The following NFIB variants were observed in gnomAD, a reference collection of about 807,000 sequenced individuals.
NFIB encodes nuclear factor 1 B-type.
NFIB carries 11 observed loss-of-function variants against 61.5 expected under a neutral mutation model. The observed-to-expected ratio is 0.18, with a 90% confidence interval of 0.11 to 0.30. The LOEUF is 0.30. NFIB is among the 10% of genes least tolerant of loss of function. The pLI, the probability that NFIB is intolerant of heterozygous loss-of-function variation, is 1.00. For synonymous variants in NFIB, 260 were observed against 216.5 expected (o/e 1.20, Z -1.76); for missense variants, 471 against 608.9 (o/e 0.77, Z 2.38).
intron 1 of NFIB, among the ~76,000 whole-genome samples, chr9:14,387,245 C>A (rs2061560001): frequency 6.6e-6 from 1 of 152,160 alleles, no homozygotes; most frequent in African/African-American, 2.4e-5. Context: ...CCTGTGAAAT[C>A]TTGGGTTCAG....
chr9:14,455,811 A>G, the NFIB span, among the ~76,000 whole-genome samples: 4 of 152,182 alleles, frequency 2.6e-5, no homozygotes, highest in African/African-American at 7.2e-5. Flanking sequence ...ACTTGGAAAA[A>G]TTTTTTAAAA....
chr9:14,523,371 G>A, the NFIB span, among the ~76,000 whole-genome samples: 1 of 151,886 alleles, frequency 6.6e-6, no homozygotes, highest in East Asian at 1.9e-4. Flanking sequence ...ACAAGTGATT[G>A]GATACTTTCC....
chr9:14,116,449 C>A lies in NFIB; in HGVS notation c.1246-103G>T, dbSNP rs994293274. 148 of 1,206,344 alleles carry A rather than the reference C, an allele frequency of 1.2e-4. 1 individual carries two copies. Among genetic ancestry groups the A allele is most frequent in the Non-Finnish European group, 4.0e-5 (37 of 929,132 alleles). 74.7% of individuals were successfully genotyped at this position (1,206,344 alleles called of 1,614,324 possible). A position where few individuals can be genotyped will look rare whatever the true frequency, so the allele number is the denominator to read the frequency against. Reference sequence around the variant, plus strand: ...ACGACTGTGTGGATCCAGCACACTGCGCATAGGCGCCACACAGGCCCTCTC... The same window carrying A: ...ACGACTGTGTGGATCCAGCACACTGAGCATAGGCGCCACACAGGCCCTCTC... On this transcript the variant is annotated intron_variant, in intron 8 of 10. Coordinates refer to ENST00000380953, the MANE Select transcript of NFIB (RefSeq NM_001190737.2).
chr9:14,254,307 C>A (rs1587949146), intron 2 of NFIB, among the ~76,000 whole-genome samples: 1 of 134,052 alleles, frequency 7.5e-6, no homozygotes, highest in Admixed American at 7.4e-5. Context: ...TCAAAAAAAA[C>A]AAAACAAAAC....
chr9:14,296,560 A>T (rs1339030815), intron 2 of NFIB, among the ~76,000 whole-genome samples: 2 of 152,208 alleles, frequency 1.3e-5, no homozygotes, highest in Non-Finnish European at 2.9e-5. Flanking sequence ...GCTTTCATAA[A>T]CAGGATTAGT....
the NFIB span, among the ~76,000 whole-genome samples, chr9:14,507,322 G>A: frequency 6.6e-6 from 1 of 152,176 alleles, no homozygotes; most frequent in Non-Finnish European, 1.5e-5. Context: ...TTTTGCATAA[G>A]TGGAGCTTTA....
At chr9:14,131,383 T>C (rs1473420203) in intron 6 of NFIB, among the ~76,000 whole-genome samples, 1 of 152,202 alleles carries the variant, frequency 6.6e-6, no homozygotes, top group African/African-American at 2.4e-5. Flanking sequence ...CTGTAACATA[T>C]ATACATCCTA....
At position 14,276,657 on chromosome 9, in the gene NFIB, A is replaced by T. The variant is rs531125247; in HGVS notation, c.562+30332T>A. The stretch of plus-strand genomic sequence containing the variant: ...TCTCATCTTTAGATGAGTAATAATA[A>T]TATCTATCTTGTGAAGGTTCCTGCA... On this transcript the variant is annotated intron_variant, in intron 2 of 10. Transcript: ENST00000380953. 4.6e-5 allele frequency among the ~76,000 whole-genome samples: 7 copies of T among 152,252 alleles called. No homozygotes were observed. In the East Asian group the frequency reaches 1.2e-3, roughly 25 times the overall value.
Position 14,102,599 on chromosome 9 carries a change from C to T in NFIB, c.1467+10400G>A, listed in dbSNP as rs143415375. ...TGAACACATGCAAACTAGTACTGTA[C>T]ATGGCATTAACCTTACTTTCCCAAG... On this transcript the variant is annotated intron_variant, in intron 10 of 10. Coordinates refer to ENST00000380953, the MANE Select transcript of NFIB (RefSeq NM_001190737.2). 7.4e-3 allele frequency: 6,100 copies of T among 824,392 alleles called. 30 individuals carry two copies. Among genetic ancestry groups the T allele is most frequent in the Non-Finnish European group, 9.5e-3 (5,449 of 576,470 alleles). The allele number at this position is 824,392 out of a possible 1,614,324, so 51.1% of individuals were successfully genotyped here.
At chr9:14,322,250 T>G in intron 1 of NFIB, 2 of 575,594 alleles carry the variant, frequency 3.5e-6, no homozygotes, top group South Asian at 9.2e-5. Flanking sequence ...TTCCTCTCCC[T>G]TGCAGAAGGC....
chr9:14,367,994 G>C (rs1037933577), intron 1 of NFIB, among the ~76,000 whole-genome samples: 21 of 152,040 alleles, frequency 1.4e-4, no homozygotes, highest in African/African-American at 5.1e-4. Context: ...AAACCTGCAC[G>C]TTCTGCACAT....
intron 2 of NFIB, among the ~76,000 whole-genome samples, chr9:14,271,953 C>G (rs549801550): frequency 4.3e-4 from 66 of 152,148 alleles, no homozygotes; most frequent in African/African-American, 1.5e-3. Flanking sequence ...AAAGAAATAC[C>G]TTAGAAGTAA....
chr9:14,339,255 T>C (rs140064855), intron 1 of NFIB, among the ~76,000 whole-genome samples: 3 of 152,330 alleles, frequency 2.0e-5, no homozygotes, highest in Middle Eastern at 3.4e-3. Flanking sequence ...CTCAAAAATG[T>C]TGGCTATTAT....
chr9:14,302,878 A>AT (rs2059822856), intron 2 of NFIB, among the ~76,000 whole-genome samples: 1 of 152,172 alleles, frequency 6.6e-6, no homozygotes, highest in South Asian at 2.1e-4. Flanking sequence ...CTTCTTATTA[A>AT]TTAACGAGAT....
At chr9:14,349,773 A>G (rs1197752583) in intron 1 of NFIB, among the ~76,000 whole-genome samples, 2 of 152,170 alleles carry the variant, frequency 1.3e-5, no homozygotes, top group Non-Finnish European at 2.9e-5. Flanking sequence ...AAAAGAATTT[A>G]TTAGTGACAA....
intron 6 of NFIB, 123 bp from the exon 7 acceptor site, chr9:14,125,889 A>C (rs1437929583): frequency 3.8e-6 from 5 of 1,321,852 alleles, no homozygotes; most frequent in Non-Finnish European, 4.1e-6. Context: ...TCTTTTACAA[A>C]ATATATTCTG....
chr9:14,199,480 C>T (rs924422827), intron 2 of NFIB, among the ~76,000 whole-genome samples: 1 of 152,202 alleles, frequency 6.6e-6, no homozygotes, highest in Non-Finnish European at 1.5e-5. Context: ...CAGGATCCTC[C>T]TTTACTTTCA....
intron 2 of NFIB, among the ~76,000 whole-genome samples, chr9:14,233,630 A>C (rs1460880532): frequency 6.6e-6 from 1 of 151,946 alleles, no homozygotes; most frequent in African/African-American, 2.4e-5. Context: ...GGGTTTTGCC[A>C]TGTTGGCCAG....
intron 1 of NFIB, among the ~76,000 whole-genome samples, chr9:14,340,834 C>G (rs114555615): frequency 6.8e-6 from 1 of 147,114 alleles, no homozygotes; most frequent in Non-Finnish European, 1.5e-5. Context: ...TCAGGTGGTC[C>G]GGAAATGAGT....
Sources: allele counts gnomAD v4.1 joint callset (sites outside exome capture counted in the v4.1 genomes callset), GRCh38; gene constraint gnomAD v4.1.1; transcripts MANE v1.5; gene names NCBI Gene and HGNC (gene_info 2026-07-23, HGNC 2026-07-21).